CMIP: variants seen among roughly 807,000 people sequenced by gnomAD.
The protein encoded by CMIP is c-Maf inducing protein.
Under a neutral mutation model 97.3 loss-of-function variants are expected in CMIP, and 13 were observed. The ratio of observed to expected loss-of-function variants is 0.13; its 90% CI spans 0.09 to 0.21. The LOEUF (loss-of-function observed/expected upper bound fraction) is 0.21. Ranked by LOEUF, CMIP falls within the 10% of genes least tolerant of loss-of-function variation. CMIP has a pLI of 1.00. For missense variants in CMIP, 847 were observed against 1,024.9 expected, an observed-to-expected ratio of 0.83 and a Z score of 2.37; for synonymous variants, 538 against 436.3, an observed-to-expected ratio of 1.23 and a Z score of -2.91.
At chr16:81,579,418 C>T (rs1237509786) in intron 1 of CMIP, among the ~76,000 whole-genome samples, 6 of 152,204 alleles carry the variant, frequency 3.9e-5, no homozygotes, top group East Asian at 1.9e-4. Context: ...CTCCAGACCT[C>T]GGAAGCCAGT....
At chr16:81,568,979 G>C (rs1028663124) in intron 1 of CMIP, among the ~76,000 whole-genome samples, 2 of 152,222 alleles carry the variant, frequency 1.3e-5, no homozygotes, top group Non-Finnish European at 2.9e-5. Flanking sequence ...AAAACTGTCA[G>C]CTTCTCAAAA....
chr16:81,447,404 G>A (rs910310338), intron 1 of CMIP, among the ~76,000 whole-genome samples: 2 of 152,056 alleles, frequency 1.3e-5, no homozygotes, highest in African/African-American at 4.8e-5. Context: ...TCCTGTTTCC[G>A]GAAAGCCAGC....
At chr16:81,632,986 T>C (rs2092184659) in intron 3 of CMIP, among the ~76,000 whole-genome samples, 1 of 152,182 alleles carries the variant, frequency 6.6e-6, no homozygotes, top group South Asian at 2.1e-4. Context: ...ATCGTTTCTT[T>C]GGGCAAGGAA....
chr16:81,523,536 C>T (rs868818479), intron 1 of CMIP, among the ~76,000 whole-genome samples: 4 of 152,308 alleles, frequency 2.6e-5, no homozygotes, highest in African/African-American at 9.6e-5. Flanking sequence ...CTTACCTGGG[C>T]CCCGGCCAAG....
At chr16:81,668,993 TCTCC>T (rs1567648252) in intron 7 of CMIP, among the ~76,000 whole-genome samples, 1 of 75,276 alleles carries the variant, frequency 1.3e-5, no homozygotes, top group Non-Finnish European at 2.6e-5. Flanking sequence ...CACCTCACAC[TCTCC>T]TCCTTCCACA....
At chr16:81,609,602 G>C (rs1292571019) in intron 2 of CMIP, among the ~76,000 whole-genome samples, 2 of 152,214 alleles carry the variant, frequency 1.3e-5, no homozygotes, top group Admixed American at 6.5e-5. Flanking sequence ...AGGCAACCGT[G>C]GAGGACTGGG....
chr16:81,660,984 G>A (rs771234268), intron 6 of CMIP, 38 bp downstream of exon 6: 3 of 1,613,070 alleles, frequency 1.9e-6, no homozygotes, highest in South Asian at 2.2e-5. Flanking sequence ...GCTGCAGGAA[G>A]TAACCTCCCT....
intron 1 of CMIP, among the ~76,000 whole-genome samples, chr16:81,601,893 C>G (rs929272314): frequency 2.0e-5 from 3 of 152,170 alleles, no homozygotes; most frequent in African/African-American, 7.2e-5. Context: ...AGCTGGTGGC[C>G]CAGGACAAAA....
At chr16:81,611,084 G>A (rs1371697732) in intron 2 of CMIP, among the ~76,000 whole-genome samples, 1 of 152,194 alleles carries the variant, frequency 6.6e-6, no homozygotes, top group Non-Finnish European at 1.5e-5. Flanking sequence ...AGCCACGCAT[G>A]GCAGCCCACA....
At chr16:81,607,462 T>A in intron 1 of CMIP, 105 bp from the exon 2 acceptor site, 1 of 1,438,032 alleles carries the variant, frequency 7.0e-7, no homozygotes, top group Non-Finnish European at 9.5e-7. Context: ...CAGCTCCATT[T>A]GCCTGTCGCC....
chr16:81,580,486 T>G (rs2091277938), intron 1 of CMIP, among the ~76,000 whole-genome samples: 1 of 151,730 alleles, frequency 6.6e-6, no homozygotes, highest in Non-Finnish European at 1.5e-5. Flanking sequence ...CAGGCTGGAG[T>G]GCAGTGGCGT....
intron 1 of CMIP, 89 bp from the exon 2 acceptor site, chr16:81,607,478 G>C (rs553511888): frequency 1.3e-5 from 20 of 1,523,678 alleles, no homozygotes; most frequent in East Asian, 2.3e-5. Context: ...TCGCCAGAGG[G>C]GCGATGTTTC....
intron 1 of CMIP, among the ~76,000 whole-genome samples, chr16:81,600,577 G>A (rs1024178778): frequency 5.3e-5 from 8 of 152,202 alleles, no homozygotes; most frequent in South Asian, 2.1e-4. Context: ...GCTGCCTGGC[G>A]CCTGGGGATG....
chr16:81,603,976 A>T (rs1162303706), intron 1 of CMIP, among the ~76,000 whole-genome samples: 1 of 152,214 alleles, frequency 6.6e-6, no homozygotes, highest in Non-Finnish European at 1.5e-5. Flanking sequence ...GAACTCAGAG[A>T]GGGGGAGTAA....
chr16:81,580,347 G>A (rs1438992419), intron 1 of CMIP, among the ~76,000 whole-genome samples: 1 of 152,126 alleles, frequency 6.6e-6, no homozygotes, highest in South Asian at 2.1e-4. Context: ...AGGTATTTTT[G>A]TCTTTCTAAT....
chr16:81,691,902 A>C (rs1906121999), intron 11 of CMIP, 62 bp downstream of exon 11: 1 of 1,431,168 alleles, frequency 7.0e-7, no homozygotes, highest in Non-Finnish European at 9.8e-7. Flanking sequence ...GTTGTCCACC[A>C]AGGCCTTAGT....
intron 10 of CMIP, among the ~76,000 whole-genome samples, chr16:81,684,526 A>G (rs1031725597): frequency 6.6e-6 from 1 of 152,192 alleles, no homozygotes; most frequent in African/African-American, 2.4e-5. Context: ...CATCTTCTGA[A>G]CTGGGTTAAA....
At chr16:81,664,479 G>A in intron 7 of CMIP, 130 bp downstream of exon 7, 3 of 799,672 alleles carry the variant, frequency 3.8e-6, no homozygotes, top group Non-Finnish European at 5.9e-6. Flanking sequence ...AGGAACTGGG[G>A]TTGAGATTCT....
rs762734058 is a variant in CMIP at position 81,652,154 on chromosome 16, C to G, written c.478-49C>G. 4 of 1,475,484 alleles carry G rather than the reference C, an allele frequency of 2.7e-6. No individual in the cohort carries two copies. The highest frequency in any genetic ancestry group is 3.8e-6 in the Non-Finnish European group (4 of 1,059,210). 91.4% of individuals were successfully genotyped at this position (1,475,484 alleles called of 1,614,324 possible). A position where few individuals can be genotyped will look rare whatever the true frequency, so the allele number is the denominator to read the frequency against. On this transcript the variant is annotated intron_variant, in intron 3 of 20. Transcript: ENST00000537098. This position sits in a 1 kb window ranked among gnomAD's most constrained non-coding sequence, Gnocchi z 5.2. Reference sequence around the variant, plus strand: ...TCTTTGATTGTCTTCCATCTTCTGCCTTCCTTACGTGAGTAACATGTTGCT... The same window carrying G: ...TCTTTGATTGTCTTCCATCTTCTGCGTTCCTTACGTGAGTAACATGTTGCT...
Sources: allele counts gnomAD v4.1 joint callset (sites outside exome capture counted in the v4.1 genomes callset), GRCh38; gene constraint gnomAD v4.1.1; non-coding constraint Gnocchi (gnomAD v3.1); transcripts MANE v1.5; gene names NCBI Gene and HGNC (gene_info 2026-07-23, HGNC 2026-07-21).